Variants in DEK observed in about 807,000 individuals in gnomAD.
DEK encodes DEK proto-oncogene.
Under a neutral mutation model 46.8 loss-of-function variants are expected in DEK, and 28 were observed. The observed-to-expected ratio is 0.60, with a 90% confidence interval of 0.44 to 0.82. The LOEUF is 0.82. Among genes scored for constraint, DEK ranks in the 40% least tolerant of loss-of-function variants. The probability of loss-of-function intolerance (pLI) is 0.00; values close to 1 mark genes in which losing one functional copy is unlikely to be tolerated. For missense variants in DEK, 416 were observed against 430.6 expected, an observed-to-expected ratio of 0.97 and a Z score of 0.30; for synonymous variants, 160 against 144.5, an observed-to-expected ratio of 1.11 and a Z score of -0.77.
At chr6:18,226,041 C>G in intron 10 of DEK, 133 bp downstream of exon 10, 1 of 880,218 alleles carries the variant, frequency 1.1e-6, no homozygotes, top group South Asian at 2.5e-5. Context: ...AAATAAATTT[C>G]CCTATTATGA....
At chr6:18,239,424 G>A (rs1790812483) in intron 7 of DEK, among the ~76,000 whole-genome samples, 1 of 145,008 alleles carries the variant, frequency 6.9e-6, no homozygotes. Flanking sequence ...CCCACCTCAG[G>A]CTCCTGAGTA....
chr6:18,236,311 T>C, intron 9 of DEK, 141 bp downstream of exon 9: 1 of 813,288 alleles, frequency 1.2e-6, no homozygotes, highest in Non-Finnish European at 1.8e-6. Context: ...TCCCAGCACC[T>C]GTAAGGAGAT....
rs775732626 is a variant in DEK, at chr6:18,249,676, T to A, written c.737A>T (p.Asp246Val). Residue 246 changes from aspartate to valine, a missense_variant, in exon 7 of 11, where the codon GAT becomes GTT. Transcript: ENST00000652689. ...CTCCTCTTCACTTTCTTTATCTTCA[T>A]CATCTGAAGACTCTTCCTTGTTTTT... The part of the protein sequence containing the change: ...EKKNKEESSD[D>V]EDKESEEEPP... The A allele has an allele frequency of 1.2e-5, 19 of 1,585,198 alleles. No individual in the cohort carries two copies. Among genetic ancestry groups the A allele is most frequent in the Non-Finnish European group, 1.5e-5 (18 of 1,171,008 alleles).
intron 6 of DEK, among the ~76,000 whole-genome samples, chr6:18,251,919 A>AT (rs962456289): frequency 7.9e-5 from 12 of 152,106 alleles, no homozygotes; most frequent in African/African-American, 2.7e-4. Context: ...CAAGCAGCCA[A>AT]TAAAAAAAAA....
chr6:18,255,784 C>T lies in DEK; in HGVS notation c.520G>A (p.Glu174Lys), dbSNP rs1791569527. The T allele has an allele frequency of 6.2e-7, 1 of 1,612,660 alleles. No individual in the cohort carries two copies. The highest frequency in any genetic ancestry group is 1.3e-5 in the African/African-American group (1 of 74,968). Residue 174 changes from glutamate to lysine, a missense_variant, in exon 6 of 11, where the codon GAA becomes AAA. Physicochemically the swap from Glu to Lys is moderately conservative, Grantham distance 56. Coordinates refer to ENST00000652689, the MANE Select transcript of DEK (RefSeq NM_003472.4). ...LDLERSGVNS[E>K]LVKRILNFLM... ...AAATTCAAGATCCTCTTCACTAGTT[C>T]ACTATTTACACCTGATCTCTCCAAA...
chr6:18,229,389 T>C (rs1790299825), intron 9 of DEK, among the ~76,000 whole-genome samples: 1 of 152,120 alleles, frequency 6.6e-6, no homozygotes, highest in South Asian at 2.1e-4. Flanking sequence ...GAGAATGACT[T>C]TGATGAGTTG....
chr6:18,243,279 A>G (rs1001924807), intron 7 of DEK, among the ~76,000 whole-genome samples: 6 of 152,280 alleles, frequency 3.9e-5, no homozygotes, highest in African/African-American at 1.4e-4. Flanking sequence ...TTGCTAATAA[A>G]TGCTTACTGA....
At chr6:18,260,571 T>C (rs529217886) in intron 2 of DEK, among the ~76,000 whole-genome samples, 1 of 152,320 alleles carries the variant, frequency 6.6e-6, no homozygotes, top group South Asian at 2.1e-4. Context: ...GTCATTTCTC[T>C]CACTTCCCTT....
Position 18,264,496 on chromosome 6 carries a change from T to C in DEK, c.-121A>G. The C allele has an allele frequency of 4.0e-6, 1 of 251,308 alleles. No homozygotes were observed. Among genetic ancestry groups the C allele is most frequent in the Non-Finnish European group, 8.0e-6 (1 of 125,436 alleles). 15.6% of individuals were successfully genotyped at this position (251,308 alleles called of 1,614,324 possible). On this transcript the variant is annotated 5_prime_UTR_variant, in exon 1 of 11. Transcript: ENST00000652689. ...CGCGGGCCGCTGTCTGGCGTGACGCTCGCGCCGCGCGCTCGGCTCCCCAGA... is the reference window on the plus strand; with the variant it reads ...CGCGGGCCGCTGTCTGGCGTGACGCCCGCGCCGCGCGCTCGGCTCCCCAGA...
intron 6 of DEK, among the ~76,000 whole-genome samples, chr6:18,251,392 A>G (rs1056804584): frequency 6.6e-6 from 1 of 152,284 alleles, no homozygotes; most frequent in East Asian, 1.9e-4. Flanking sequence ...ACTGTCACCT[A>G]CACAAAAATT....
intron 6 of DEK, among the ~76,000 whole-genome samples, chr6:18,255,463 T>C (rs1280932465): frequency 6.6e-6 from 1 of 152,244 alleles, no homozygotes; most frequent in Admixed American, 6.5e-5. Flanking sequence ...TACCTAACCC[T>C]GACTACTAGT....
intron 7 of DEK, among the ~76,000 whole-genome samples, chr6:18,239,371 A>G (rs1314984195): frequency 8.3e-6 from 1 of 121,152 alleles, no homozygotes; most frequent in Non-Finnish European, 1.7e-5. Context: ...TAAAAAAAAG[A>G]GATGGTCTCG....
intron 7 of DEK, among the ~76,000 whole-genome samples, chr6:18,245,571 G>A (rs1382073594): frequency 6.6e-6 from 1 of 151,204 alleles, no homozygotes; most frequent in South Asian, 2.1e-4. Flanking sequence ...GAAGACAGAG[G>A]TATTAGGATA....
chr6:18,259,919 A>C (rs2069608057), intron 2 of DEK, among the ~76,000 whole-genome samples: 1 of 152,136 alleles, frequency 6.6e-6, no homozygotes, highest in South Asian at 2.1e-4. Flanking sequence ...CACTAAAACA[A>C]CCCCTACTAT....
chr6:18,262,228 C>G (rs951185795), intron 2 of DEK, among the ~76,000 whole-genome samples: 5 of 151,744 alleles, frequency 3.3e-5, no homozygotes, highest in African/African-American at 9.7e-5. Flanking sequence ...GTCTGCAGAA[C>G]CACGAATCAA....
intron 9 of DEK, 114 bp from the exon 10 acceptor site, chr6:18,226,356 A>G: frequency 1.1e-6 from 1 of 881,004 alleles, no homozygotes; most frequent in Non-Finnish European, 1.6e-6. Context: ...AACCATCCCA[A>G]CAGTACTCTG....
rs372784942 is a variant in DEK, at chr6:18,234,119, T to C, written c.1047+2333A>G. ...ACCAAACACTGCATGTTCTCACTCA[T>C]AGGTGGGAATTGAACAATGAGAACG... On this transcript the variant is annotated intron_variant, in intron 9 of 10. Transcript: ENST00000652689. 2.8e-3 allele frequency among the ~76,000 whole-genome samples: 387 copies of C among 140,412 alleles called. 1 individual carries two copies. The highest frequency in any genetic ancestry group is 0.013 in the Middle Eastern group (3 of 238). 92.1% of individuals were successfully genotyped at this position (140,412 alleles called of 152,430 possible).
intron 6 of DEK, among the ~76,000 whole-genome samples, chr6:18,254,482 A>G (rs1791522718): frequency 6.6e-6 from 1 of 151,838 alleles, no homozygotes; most frequent in Non-Finnish European, 1.5e-5. Flanking sequence ...TTGAAAAGTT[A>G]TTTTTCCTAG....
At chr6:18,264,213 T>C (rs910826464) in intron 1 of DEK, 172 bp downstream of exon 1, 2 of 350,774 alleles carry the variant, frequency 5.7e-6, no homozygotes, top group Non-Finnish European at 1.0e-5. Flanking sequence ...CCGCGCCCGC[T>C]GCCCCGCGTG....
Sources: gnomAD v4.1 joint callset for allele counts (sites outside exome capture counted in the v4.1 genomes callset) on GRCh38, gnomAD v4.1.1 for gene constraint, MANE v1.5 for transcripts, NCBI Gene and HGNC (gene_info 2026-07-23, HGNC 2026-07-21) for gene names.